GRM7: variants seen among roughly 807,000 people sequenced by gnomAD.
The protein encoded by GRM7 is metabotropic glutamate receptor 7.
In GRM7, 35 loss-of-function variants were observed where a neutral mutation model predicts 84.5. The ratio of observed to expected loss-of-function variants is 0.41; its 90% CI spans 0.32 to 0.55. The LOEUF is 0.55. GRM7 is among the 20% of genes least tolerant of loss of function. The probability of loss-of-function intolerance (pLI) is 0.19; values close to 1 mark genes in which losing one functional copy is unlikely to be tolerated. For synonymous variants in GRM7, 487 were observed against 455.1 expected (o/e 1.07, Z -0.89); for missense variants, 1,003 against 1,194.6 (o/e 0.84, Z 2.36).
At chr3:7,283,467 A>G (rs1029974440) in intron 2 of GRM7, among the ~76,000 whole-genome samples, 1 of 152,180 alleles carries the variant, frequency 6.6e-6, no homozygotes, top group Non-Finnish European at 1.5e-5. Flanking sequence ...CACAAATAGT[A>G]TAAAAAGATA....
At chr3:7,522,625 C>T (rs1700639540) in intron 7 of GRM7, among the ~76,000 whole-genome samples, 3 of 152,144 alleles carry the variant, frequency 2.0e-5, no homozygotes, top group African/African-American at 4.8e-5. Context: ...CGCAAGACTT[C>T]CAGAACACTT....
chr3:7,552,839 C>G (rs1693554397), intron 7 of GRM7, among the ~76,000 whole-genome samples: 1 of 152,202 alleles, frequency 6.6e-6, no homozygotes. Context: ...CTCTGACACG[C>G]CCTGGAAACA....
chr3:7,286,662 T>G (rs1423563651), intron 2 of GRM7, among the ~76,000 whole-genome samples: 1 of 152,210 alleles, frequency 6.6e-6, no homozygotes, highest in Non-Finnish European at 1.5e-5. Flanking sequence ...AAACTGGTCA[T>G]GTTTTATTCA....
At chr3:7,032,403 A>G (rs749776431) in intron 1 of GRM7, among the ~76,000 whole-genome samples, 8 of 152,230 alleles carry the variant, frequency 5.3e-5, no homozygotes, top group Non-Finnish European at 1.2e-4. Flanking sequence ...TGAGCATTAA[A>G]GGAAATAATA....
chr3:6,941,770 A>G (rs1041020796), intron 1 of GRM7, among the ~76,000 whole-genome samples: 3 of 152,156 alleles, frequency 2.0e-5, no homozygotes, highest in Admixed American at 6.6e-5. Flanking sequence ...TTAAGTATCA[A>G]TTCATATATT....
chr3:7,101,520 T>A (rs1275805322), intron 1 of GRM7, among the ~76,000 whole-genome samples: 1 of 151,642 alleles, frequency 6.6e-6, no homozygotes, highest in Non-Finnish European at 1.5e-5. Flanking sequence ...GCATTTATTT[T>A]GTACTCAGTT....
intron 8 of GRM7, among the ~76,000 whole-genome samples, chr3:7,669,118 A>G (rs1228667499): frequency 6.6e-6 from 1 of 152,252 alleles, no homozygotes; most frequent in Admixed American, 6.5e-5. Flanking sequence ...TTTGCTGTAC[A>G]ATATATAGAA....
At chr3:7,046,346 G>C (rs947791495) in intron 1 of GRM7, among the ~76,000 whole-genome samples, 1 of 152,106 alleles carries the variant, frequency 6.6e-6, no homozygotes, top group South Asian at 2.1e-4. Flanking sequence ...TGCTGAGCTG[G>C]AGCTAGACTT....
intron 8 of GRM7, among the ~76,000 whole-genome samples, chr3:7,650,686 T>G (rs1698892091): frequency 6.6e-6 from 1 of 152,176 alleles, no homozygotes; most frequent in African/African-American, 2.4e-5. Context: ...AGGAATAGAT[T>G]GAGAAAATTC....
chr3:7,057,519 A>G (rs1697271256), intron 1 of GRM7, among the ~76,000 whole-genome samples: 1 of 151,938 alleles, frequency 6.6e-6, no homozygotes, highest in African/African-American at 2.4e-5. Context: ...AAAACACGCA[A>G]CAGCTGCCTT....
At chr3:7,536,482 G>T (rs1469599820) in intron 7 of GRM7, among the ~76,000 whole-genome samples, 3 of 152,162 alleles carry the variant, frequency 2.0e-5, no homozygotes, top group Non-Finnish European at 4.4e-5. Context: ...AGAAATATCT[G>T]CCTCATAATA....
intron 8 of GRM7, among the ~76,000 whole-genome samples, chr3:7,629,405 C>T (rs1697766524): frequency 6.6e-6 from 1 of 152,124 alleles, no homozygotes. Context: ...TGAGGACTCT[C>T]CTCCTGGCTT....
intron 3 of GRM7, 61 bp from the exon 4 acceptor site, chr3:7,306,437 C>G: frequency 1.4e-6 from 2 of 1,446,228 alleles, no homozygotes; most frequent in South Asian, 2.3e-5. Flanking sequence ...GACTTGCAAT[C>G]TACACGGATT....
chr3:7,609,144 C>T (rs1696730713), intron 8 of GRM7, among the ~76,000 whole-genome samples: 1 of 152,080 alleles, frequency 6.6e-6, no homozygotes, highest in Non-Finnish European at 1.5e-5. Context: ...CTTTCTACTG[C>T]TGCATGCATC....
intron 7 of GRM7, among the ~76,000 whole-genome samples, chr3:7,555,352 A>G (rs886916683): frequency 1.3e-5 from 2 of 152,102 alleles, no homozygotes; most frequent in Admixed American, 1.3e-4. Context: ...TCAATGTAAA[A>G]TTTCACCTGA....
At chr3:7,103,790 C>CTTTA (rs1559443484) in intron 1 of GRM7, among the ~76,000 whole-genome samples, 2 of 111,494 alleles carry the variant, frequency 1.8e-5, no homozygotes, top group Admixed American at 8.7e-5. Context: ...TTCTTTCTTT[C>CTTTA]TTTCTTTCTT....
At chr3:7,138,610 G>C (rs1207114743) in intron 1 of GRM7, among the ~76,000 whole-genome samples, 1 of 151,486 alleles carries the variant, frequency 6.6e-6, no homozygotes. Flanking sequence ...TACAGCATGT[G>C]GGAAAAAAAC....
At chr3:7,469,299 G>C (rs989857780) in intron 7 of GRM7, among the ~76,000 whole-genome samples, 2 of 152,226 alleles carry the variant, frequency 1.3e-5, no homozygotes, top group African/African-American at 4.8e-5. Flanking sequence ...GGTTCCCTAA[G>C]TGCTCTGTAA....
intron 2 of GRM7, among the ~76,000 whole-genome samples, chr3:7,257,766 C>T (rs1428531451): frequency 1.3e-5 from 2 of 152,144 alleles, no homozygotes; most frequent in African/African-American, 2.4e-5. Context: ...GTAGCATCTT[C>T]CAGTTTATAC....
Sources: gnomAD v4.1 joint callset for allele counts (sites outside exome capture counted in the v4.1 genomes callset) on GRCh38, gnomAD v4.1.1 for gene constraint, MANE v1.5 for transcripts, NCBI Gene and HGNC (gene_info 2026-07-23, HGNC 2026-07-21) for gene names.